Variants in GFI1B observed in about 807,000 individuals in gnomAD.
The protein encoded by GFI1B is growth factor independent 1B transcriptional repressor.
Under a neutral mutation model 35.3 loss-of-function variants are expected in GFI1B, and 20 were observed. That is an observed-to-expected ratio of 0.57 (90% CI 0.40 to 0.82). GFI1B has a LOEUF of 0.82. Among genes scored for constraint, GFI1B ranks in the 40% least tolerant of loss-of-function variants. GFI1B has a pLI of 0.00. For missense variants in GFI1B, 430 were observed against 446.3 expected (o/e 0.96, Z 0.33); for synonymous variants, 178 against 177.6 (o/e 1.00, Z -0.02).
At chr9:132,972,950 C>T (rs1397898742) in intron 2 of GFI1B, among the ~76,000 whole-genome samples, 3 of 152,218 alleles carry the variant, frequency 2.0e-5, no homozygotes, top group Non-Finnish European at 4.4e-5. Flanking sequence ...CGCCGATGAC[C>T]AGGTGGACGT....
intron 1 of GFI1B, among the ~76,000 whole-genome samples, chr9:132,957,150 G>A (rs1394614340): frequency 1.3e-5 from 2 of 152,190 alleles, no homozygotes; most frequent in Non-Finnish European, 2.9e-5. Flanking sequence ...CCAATGAGAG[G>A]GGACCACACA....
In GFI1B at chr9:132,989,516, A is replaced by T. The variant is rs1334560099; in HGVS notation, c.649-226A>T. Reference sequence around the variant, plus strand: ...TCCATCAGTCAATCAACGAACATTTATTGAGGTTTATTTTGAGCGGGATAC... The same window carrying T: ...TCCATCAGTCAATCAACGAACATTTTTTGAGGTTTATTTTGAGCGGGATAC... On this transcript the variant is annotated intron_variant, in intron 5 of 6. Transcript: ENST00000372122. The surrounding 1 kb of genome is among the most constrained non-coding windows in gnomAD (Gnocchi z 6.2). 1.3e-5 allele frequency: 8 copies of T among 602,506 alleles called. No individual in the cohort carries two copies. The East Asian group carries it at 2.2e-4, about 17-fold the overall frequency. The allele number at this position is 602,506 out of a possible 1,614,324, so 37.3% of individuals were successfully genotyped here.
At chr9:132,968,168 G>A (rs976637660) in intron 1 of GFI1B, among the ~76,000 whole-genome samples, 2 of 151,706 alleles carry the variant, frequency 1.3e-5, no homozygotes, top group Admixed American at 6.6e-5. Context: ...CTGGGCTAGA[G>A]TGCACTGGTG....
chr9:132,966,570 A>G (rs1848453757), intron 1 of GFI1B, among the ~76,000 whole-genome samples: 1 of 152,200 alleles, frequency 6.6e-6, no homozygotes, highest in South Asian at 2.1e-4. Context: ...TGGAAGAATA[A>G]TAGTTTTGAA....
At chr9:132,976,296 G>A (rs184025582), upstream of GFI1B, among the ~76,000 whole-genome samples, 3 of 152,258 alleles carry the variant, frequency 2.0e-5, no homozygotes, top group East Asian at 3.9e-4. Flanking sequence ...CATGTTTCAC[G>A]GAAAATGACA....
At chr9:132,976,658 G>C (rs1042878269), upstream of GFI1B, 9 of 152,146 alleles carry the variant, frequency 5.9e-5, no homozygotes, top group African/African-American at 2.2e-4. Context: ...CCCAGAAGTA[G>C]ATTCACTCAC....
At chr9:132,967,451 G>A (rs1848465857) in intron 1 of GFI1B, among the ~76,000 whole-genome samples, 1 of 152,136 alleles carries the variant, frequency 6.6e-6, no homozygotes, top group Non-Finnish European at 1.5e-5. Context: ...AAGGGGCAGG[G>A]GGTGCTCTTC....
chr9:132,981,403 A>C (rs1183828475), intron 1 of GFI1B, among the ~76,000 whole-genome samples: 2 of 152,012 alleles, frequency 1.3e-5, no homozygotes, highest in African/African-American at 4.8e-5. Context: ...ACATTTGAGA[A>C]CTCCTTCTAA....
upstream of GFI1B, among the ~76,000 whole-genome samples, chr9:132,976,023 G>C (rs1848623342): frequency 6.6e-6 from 1 of 152,152 alleles, no homozygotes; most frequent in Non-Finnish European, 1.5e-5. Context: ...CTGCAGGCTG[G>C]GTCCCTGGTC....
chr9:132,960,384 A>G (rs765861250), intron 1 of GFI1B, among the ~76,000 whole-genome samples: 1 of 152,228 alleles, frequency 6.6e-6, no homozygotes, highest in Non-Finnish European at 1.5e-5. Context: ...AGCCTGGGCT[A>G]TATCTGTAGG....
chr9:132,977,806 C>CCCCATCACT (rs1162401565), upstream of GFI1B, among the ~76,000 whole-genome samples: 2 of 152,198 alleles, frequency 1.3e-5, no homozygotes, highest in Non-Finnish European at 2.9e-5. Context: ...CCACTGGCCT[C>CCCCATCACT]CCCATCACTT....
At chr9:132,951,823 A>G (rs1409912223) in intron 1 of GFI1B, 2 of 152,356 alleles carry the variant, frequency 1.3e-5, no homozygotes, top group Middle Eastern at 3.4e-3. Context: ...ACTAGAGTAC[A>G]GTGGCCTGAT....
chr9:132,948,567 C>A (rs950863861), intron 1 of GFI1B, among the ~76,000 whole-genome samples: 5 of 152,232 alleles, frequency 3.3e-5, no homozygotes, highest in African/African-American at 1.2e-4. Context: ...GCTTGAATTG[C>A]CTTTTGGCTT....
intron 1 of GFI1B, among the ~76,000 whole-genome samples, chr9:132,971,322 A>T (rs1161480581): frequency 2.6e-5 from 4 of 152,082 alleles, no homozygotes; most frequent in Non-Finnish European, 5.9e-5. Flanking sequence ...CTCCCACCCA[A>T]GTTCCCTGTG....
At chr9:132,978,999 G>A (rs1159733839) in intron 1 of GFI1B, among the ~76,000 whole-genome samples, 158 bp downstream of exon 1, 1 of 152,228 alleles carries the variant, frequency 6.6e-6, no homozygotes, top group Non-Finnish European at 1.5e-5. Context: ...GGAGAAACAG[G>A]GTGAGGACGT....
At chr9:132,968,086 T>TTTTATTTATTTA (rs34989096) in intron 1 of GFI1B, among the ~76,000 whole-genome samples, 425 of 137,896 alleles carry the variant, frequency 3.1e-3, no homozygotes, top group African/African-American at 4.4e-3. Context: ...CCAGCCATTC[T>TTTTATTTATTTA]TTTATTTATT....
intron 6 of GFI1B, among the ~76,000 whole-genome samples, chr9:132,990,481 G>A (rs189677254): frequency 9.3e-4 from 141 of 151,642 alleles, no homozygotes; most frequent in African/African-American, 2.8e-3. Context: ...TCACACATTC[G>A]CTCACTCATT....
chr9:132,963,107 A>T (rs1848393415), intron 1 of GFI1B, among the ~76,000 whole-genome samples: 1 of 147,446 alleles, frequency 6.8e-6, no homozygotes, highest in East Asian at 2.0e-4. Flanking sequence ...AAAAAAAAGG[A>T]ATCTATTTTT....
chr9:132,985,513 C>T (rs1254225812), intron 1 of GFI1B, among the ~76,000 whole-genome samples: 1 of 152,160 alleles, frequency 6.6e-6, no homozygotes, highest in Non-Finnish European at 1.5e-5. Context: ...CCCCACACCC[C>T]ACTCCTCAGA....
Sources: allele counts gnomAD v4.1 joint callset (sites outside exome capture counted in the v4.1 genomes callset), GRCh38; gene constraint gnomAD v4.1.1; non-coding constraint Gnocchi (gnomAD v3.1); transcripts MANE v1.5; gene names NCBI Gene and HGNC (gene_info 2026-07-23, HGNC 2026-07-21).